SPIN1: variants seen among roughly 807,000 people sequenced by gnomAD.
The protein encoded by SPIN1 is spindlin 1.
A neutral mutation model predicts 26.0 loss-of-function variants in SPIN1; 3 were observed. That is an observed-to-expected ratio of 0.12 (90% CI 0.05 to 0.30). SPIN1 has a LOEUF of 0.30. Among genes scored for constraint, SPIN1 ranks in the 10% least tolerant of loss-of-function variants. The probability of loss-of-function intolerance (pLI) is 1.00; values close to 1 mark genes in which losing one functional copy is unlikely to be tolerated. For synonymous variants in SPIN1, 101 were observed against 116.5 expected, an observed-to-expected ratio of 0.87 and a Z score of 0.86; for missense variants, 126 against 333.4, an observed-to-expected ratio of 0.38 and a Z score of 4.84.
In SPIN1 at chr9:88,462,604, C is replaced by T. The variant is rs1286462262; in HGVS notation, c.210C>T (p.Thr70=). The change falls in exon 4 of 6, where the codon ACC becomes ACT. Residue 70 remains threonine, a synonymous_variant. Transcript: ENST00000375859. ...GGAAAGAGGGGAATGGCCCTGTTAC[C>T]CAGTGGAAAGGAACCGTTCTGGACC... ...HGWKEGNGPV[T]QWKGTVLDQV... 1 of 1,614,012 alleles carries T rather than the reference C, an allele frequency of 6.2e-7. No individual in the cohort carries two copies. The highest frequency in any genetic ancestry group is 1.1e-5 in the South Asian group (1 of 91,072).
chr9:88,428,136 T>C (rs971731969), intron 2 of SPIN1, among the ~76,000 whole-genome samples: 5 of 152,254 alleles, frequency 3.3e-5, no homozygotes, highest in Admixed American at 1.3e-4. Context: ...AGTTCATATA[T>C]GTACAGCATA....
chr9:88,475,087 C>T lies in SPIN1; in HGVS notation c.599C>T (p.Pro200Leu), dbSNP rs752700080. Residue 200 changes from proline (P) to leucine (L), a missense_variant, in exon 6 of 6, where the codon CCT (proline) becomes CTT (leucine). Around this residue, in one of 7 missense-constraint regions of SPIN1, gnomAD observed 29 missense variants for 72.0 expected, o/e 0.40. Coordinates refer to ENST00000375859, the MANE Select transcript of SPIN1 (RefSeq NM_006717.3). ...TTTTTTTTTAATATAGATGATTCAC[C>T]TCCAGCAGAAAGGGAACCAGGAGAA... Reference protein sequence around the residue: ...LRIMPDSNDSPPAEREPGEVV... With the variant: ...LRIMPDSNDSLPAEREPGEVV... 4 of 1,488,638 alleles carry T rather than the reference C, an allele frequency of 2.7e-6. No homozygotes were observed. In the Admixed American group the frequency reaches 5.6e-5, roughly 21 times the overall value. 92.2% of individuals were successfully genotyped at this position (1,488,638 alleles called of 1,614,324 possible).
intron 3 of SPIN1, among the ~76,000 whole-genome samples, chr9:88,462,058 T>C (rs1260288118): frequency 6.6e-6 from 1 of 152,232 alleles, no homozygotes; most frequent in Admixed American, 6.5e-5. Flanking sequence ...TACACATTTC[T>C]TTTTAACTTG....
At chr9:88,403,140 T>C (rs958117832) in intron 1 of SPIN1, among the ~76,000 whole-genome samples, 8 of 152,180 alleles carry the variant, frequency 5.3e-5, no homozygotes, top group African/African-American at 1.7e-4. Flanking sequence ...ATTATTATTA[T>C]TTTTTAATTG....
At chr9:88,435,190 C>T (rs999343541) in intron 2 of SPIN1, among the ~76,000 whole-genome samples, 3 of 151,756 alleles carry the variant, frequency 2.0e-5, no homozygotes, top group Non-Finnish European at 2.9e-5. Context: ...TCCATCGACT[C>T]TGTATTATTT....
At chr9:88,447,771 A>C (rs1019072071) in intron 2 of SPIN1, among the ~76,000 whole-genome samples, 3 of 152,096 alleles carry the variant, frequency 2.0e-5, no homozygotes, top group African/African-American at 7.2e-5. Flanking sequence ...CCAACGCTAC[A>C]CTGAGTCACA....
intron 2 of SPIN1, among the ~76,000 whole-genome samples, chr9:88,442,040 C>T (rs1319316352): frequency 6.7e-6 from 1 of 149,748 alleles, no homozygotes; most frequent in Non-Finnish European, 1.5e-5. Flanking sequence ...CAACCTGTGC[C>T]TCCTGGGTTC....
intron 2 of SPIN1, among the ~76,000 whole-genome samples, chr9:88,428,770 T>C (rs1161431075): frequency 6.6e-6 from 1 of 152,218 alleles, no homozygotes; most frequent in Non-Finnish European, 1.5e-5. Flanking sequence ...ATGTAAATCC[T>C]AGTTGGCGTG....
intron 1 of SPIN1, among the ~76,000 whole-genome samples, chr9:88,414,312 G>A (rs1827517345): frequency 6.6e-6 from 1 of 152,162 alleles, no homozygotes; most frequent in Non-Finnish European, 1.5e-5. Flanking sequence ...CTAATGCCAT[G>A]GTTGGTCTTT....
intron 1 of SPIN1, among the ~76,000 whole-genome samples, chr9:88,424,339 C>G (rs10868776): frequency 6.6e-6 from 1 of 151,852 alleles, no homozygotes; most frequent in Admixed American, 6.6e-5. Context: ...ACTTGAGATA[C>G]GAGATTACAA....
rs1375260142 is a variant in SPIN1 at position 88,468,559 on chromosome 9, C to G, written c.543C>G (p.Leu181=). ...EKDPVLYMYQ[L]LDDYKEGDLR... is the part of the protein sequence containing the mutation. ...ACCCTGTCTTGTACATGTACCAACTCTTAGATGATTACAAAGAAGGCGACC... is the reference window on the plus strand; with the variant it reads ...ACCCTGTCTTGTACATGTACCAACTGTTAGATGATTACAAAGAAGGCGACC... Residue 181 remains leucine, a synonymous_variant, in exon 5 of 6, where the codon CTC becomes CTG. Transcript: ENST00000375859. 1.9e-6 allele frequency: 3 copies of G among 1,593,078 alleles called. No individual in the cohort carries two copies. Among genetic ancestry groups the G allele is most frequent in the Non-Finnish European group, 2.6e-6 (3 of 1,171,326 alleles).
At chr9:88,434,198 A>G (rs7045192) in intron 2 of SPIN1, among the ~76,000 whole-genome samples, 11,660 of 152,156 alleles carry the variant, frequency 0.077, 1,406 homozygotes, top group African/African-American at 0.26. Context: ...ACTTTGGAAC[A>G]TGTGCCTGAG....
At chr9:88,470,390 C>A (rs922787284) in intron 5 of SPIN1, among the ~76,000 whole-genome samples, 1 of 152,108 alleles carries the variant, frequency 6.6e-6, no homozygotes, top group African/African-American at 2.4e-5. Context: ...GGGGAACTGC[C>A]AGGCTAATTT....
intron 3 of SPIN1, chr9:88,457,800 G>T: frequency 1.0e-6 from 1 of 972,974 alleles, no homozygotes; most frequent in Middle Eastern, 5.3e-4. Flanking sequence ...GATGTATCTA[G>T]AAAGACAGAA....
chr9:88,405,556 T>C (rs34700306), intron 1 of SPIN1, among the ~76,000 whole-genome samples: 1,482 of 144,564 alleles, frequency 0.01, 15 homozygotes, highest in East Asian at 0.041. Context: ...TTTTTTTTTT[T>C]CCCTGAGACA....
chr9:88,468,371 G>T lies in SPIN1; in HGVS notation c.356-1G>T. ...TTTTTTTTTTTTTTTTTAATCCCCAGCGACATCTCGAATCAGCGATGCACA... is the reference window on the plus strand; with the variant it reads ...TTTTTTTTTTTTTTTTTAATCCCCATCGACATCTCGAATCAGCGATGCACA... On this transcript the variant is annotated splice_acceptor_variant, in intron 4 of 5. Coordinates refer to ENST00000375859, the MANE Select transcript of SPIN1 (RefSeq NM_006717.3). LOFTEE classifies it high-confidence loss of function. 1 of 1,515,540 alleles carries T rather than the reference G, an allele frequency of 6.6e-7. No homozygotes were observed. The highest frequency in any genetic ancestry group is 8.9e-7 in the Non-Finnish European group (1 of 1,127,734). 93.9% of individuals were successfully genotyped at this position (1,515,540 alleles called of 1,614,324 possible). A position where few individuals can be genotyped will look rare whatever the true frequency, so the allele number is the denominator to read the frequency against.
chr9:88,458,113 A>G (rs947537056), intron 3 of SPIN1: 7 of 580,834 alleles, frequency 1.2e-5, no homozygotes, highest in African/African-American at 2.0e-5. Context: ...AAAGTTAAAG[A>G]TAATTGTTGG....
At chr9:88,465,983 C>T (rs1828660110) in intron 4 of SPIN1, among the ~76,000 whole-genome samples, 1 of 152,038 alleles carries the variant, frequency 6.6e-6, no homozygotes, top group South Asian at 2.1e-4. Flanking sequence ...AAAATTAAGC[C>T]ACTCTTAATG....
At chr9:88,394,557 A>T (rs375330305) in intron 1 of SPIN1, among the ~76,000 whole-genome samples, 1 of 152,166 alleles carries the variant, frequency 6.6e-6, no homozygotes, top group Non-Finnish European at 1.5e-5. Context: ...ATTCTTAGCA[A>T]CATTAATATA....
Sources: allele counts gnomAD v4.1 joint callset (sites outside exome capture counted in the v4.1 genomes callset), GRCh38; gene constraint gnomAD v4.1.1; regional missense constraint gnomAD v4.1.1; transcripts MANE v1.5; gene names NCBI Gene and HGNC (gene_info 2026-07-23, HGNC 2026-07-21).